NRSN1: variants seen among roughly 807,000 people sequenced by gnomAD.
NRSN1 encodes the protein neurensin 1, also known as neurensin-1.
A neutral mutation model predicts 17.3 loss-of-function variants in NRSN1; 14 were observed. The ratio of observed to expected loss-of-function variants is 0.81; its 90% CI spans 0.54 to 1.27. The LOEUF (loss-of-function observed/expected upper bound fraction) is 1.27, where lower values mean the gene tolerates loss of function less well. Among genes scored for constraint, NRSN1 ranks in the 50% most tolerant of loss-of-function variants. NRSN1 has a pLI of 0.00. For missense variants in NRSN1, 209 were observed against 235.9 expected, an observed-to-expected ratio of 0.89 and a Z score of 0.75; for synonymous variants, 79 against 94.2, an observed-to-expected ratio of 0.84 and a Z score of 0.93.
rs371414850 is a variant in NRSN1, at chr6:24,145,872, C to T, written c.514C>T (p.Pro172Ser). 2 of 1,614,186 alleles carry T rather than the reference C, an allele frequency of 1.2e-6. No homozygotes were observed. The highest frequency in any genetic ancestry group is 3.3e-5 in the Admixed American group (2 of 60,018). The stretch of plus-strand genomic sequence containing the variant: ...CCACACCCAGCCGGTTACAAAAGCT[C>T]CAGGGCCAGGGGAAACAAAGATTCC... ...KAHTQPVTKA[P>S]GPGETKIPVT... Residue 172 changes from proline (P) to serine (S), a missense_variant, in exon 4 of 4, where the codon CCA (proline) becomes TCA (serine). Coordinates refer to ENST00000378491, the MANE Select transcript of NRSN1 (RefSeq NM_080723.5). The surrounding 1 kb of genome is among the most constrained non-coding windows in gnomAD (Gnocchi z 4.4).
rs768699183 is a variant in NRSN1 at position 24,134,305 on chromosome 6, T to C, written c.-9-14T>C. ...AGCCTGTGGCATTAATCCATGTGGA[T>C]GTTGTCATTCCAGCTGGGAAGGATG... On this transcript the variant is annotated splice_polypyrimidine_tract_variant and intron_variant, in intron 2 of 3. Coordinates refer to ENST00000378491, the MANE Select transcript of NRSN1 (RefSeq NM_080723.5). 3 of 1,609,960 alleles carry C rather than the reference T, an allele frequency of 1.9e-6. No individual in the cohort carries two copies. The highest frequency in any genetic ancestry group is 2.5e-6 in the Non-Finnish European group (3 of 1,177,340).
intron 3 of NRSN1, among the ~76,000 whole-genome samples, chr6:24,136,480 C>A (rs1760119646): frequency 6.6e-6 from 1 of 151,926 alleles, no homozygotes; most frequent in African/African-American, 2.4e-5. Context: ...CAATGAAATG[C>A]ACAGCCAAGC....
At position 24,145,600 on chromosome 6, in the gene NRSN1, C is replaced by T. The variant is rs749754159; in HGVS notation, c.242C>T (p.Ala81Val). The T allele has an allele frequency of 6.2e-7, 1 of 1,611,884 alleles. No individual in the cohort carries two copies. Among genetic ancestry groups the T allele is most frequent in the South Asian group, 1.1e-5 (1 of 90,592 alleles). ...VFVILGLTVLAVGFLVPPKIE... is the reference protein window; with the variant it reads ...VFVILGLTVLVVGFLVPPKIE... ...GTGATCCTCGGATTGACTGTTCTGG[C>T]AGTGGGCTTTCTTGTGCCCCCCAAA... Residue 81 changes from alanine (A) to valine (V), a missense_variant, in exon 4 of 4, where the codon GCA becomes GTA. By Grantham distance (64) the Ala-to-Val change is moderately conservative. Transcript: ENST00000378491. This position sits in a 1 kb window ranked among gnomAD's most constrained non-coding sequence, Gnocchi z 4.4.
rs1249307852 is a variant in NRSN1, at chr6:24,145,339, G to A, written c.190-209G>A. On this transcript the variant is annotated intron_variant, in intron 3 of 3. Coordinates refer to ENST00000378491, the MANE Select transcript of NRSN1 (RefSeq NM_080723.5). This position sits in a 1 kb window ranked among gnomAD's most constrained non-coding sequence, Gnocchi z 4.4. ...ATATATACATATATCTCAAGGCTGA[G>A]TGCTGGAGTTTTTGGTTGGCATTAA... Among the ~76,000 whole-genome samples, 1 of 148,850 alleles carries A rather than the reference G, an allele frequency of 6.7e-6. No homozygotes were observed. The highest frequency in any genetic ancestry group is 2.5e-5 in the African/African-American group (1 of 40,706).
chr6:24,143,013 C>T (rs181885458), intron 3 of NRSN1, among the ~76,000 whole-genome samples: 93 of 152,202 alleles, frequency 6.1e-4, no homozygotes, highest in African/African-American at 1.9e-3. Context: ...AGACACAGAG[C>T]GCTGATTGGT....
chr6:24,143,554 A>C, intron 3 of NRSN1, among the ~76,000 whole-genome samples: 1 of 152,300 alleles, frequency 6.6e-6, no homozygotes, highest in Non-Finnish European at 1.5e-5. Flanking sequence ...AATATTAAAG[A>C]TTAATTTATG....
chr6:24,134,004 T>TG (rs1760075346), intron 2 of NRSN1, among the ~76,000 whole-genome samples: 1 of 132,858 alleles, frequency 7.5e-6, no homozygotes, highest in Non-Finnish European at 1.6e-5. Context: ...ACCCAGCTAA[T>TG]TGTGTGTGTG....
chr6:24,131,938 G>A (rs909997584), intron 2 of NRSN1, among the ~76,000 whole-genome samples: 8 of 152,062 alleles, frequency 5.3e-5, no homozygotes, highest in East Asian at 1.9e-4. Flanking sequence ...AAATGTGTTC[G>A]TGTGTGGGGG....
chr6:24,131,872 A>T (rs1195978349), intron 2 of NRSN1, among the ~76,000 whole-genome samples: 1 of 152,202 alleles, frequency 6.6e-6, no homozygotes, highest in East Asian at 1.9e-4. Context: ...CAGGCAAAGA[A>T]CATTCTAAAA....
At chr6:24,141,405 T>G in intron 3 of NRSN1, 1 of 357,542 alleles carries the variant, frequency 2.8e-6, no homozygotes, top group Non-Finnish European at 4.5e-6. Flanking sequence ...GACTCCTTCG[T>G]ACCTATCATC....
chr6:24,136,843 C>T (rs1410692992), intron 3 of NRSN1, among the ~76,000 whole-genome samples: 1 of 152,102 alleles, frequency 6.6e-6, no homozygotes. Flanking sequence ...AGCCACAAAA[C>T]ACAAGAAGCC....
At position 24,146,264 on chromosome 6, in the gene NRSN1, A is replaced by G. The variant is rs1025339772; in HGVS notation, c.*318A>G. ...TCCGTGTTGTTTGAAAGTGCCGAAC[A>G]GTTTAGACCAGCTCACCAATGGCTA... is the stretch of plus-strand genomic sequence containing the variant. On this transcript the variant is annotated 3_prime_UTR_variant, in exon 4 of 4. Transcript: ENST00000378491. 7 of 581,112 alleles carry G rather than the reference A, an allele frequency of 1.2e-5. No homozygotes were observed. Among genetic ancestry groups the G allele is most frequent in the Admixed American group, 6.6e-5 (3 of 45,756 alleles). The allele number at this position is 581,112 out of a possible 1,614,324, so 36.0% of individuals were successfully genotyped here. A position where few individuals can be genotyped will look rare whatever the true frequency, so the allele number is the denominator to read the frequency against.
chr6:24,136,641 C>T (rs548785307), intron 3 of NRSN1, among the ~76,000 whole-genome samples: 1 of 152,142 alleles, frequency 6.6e-6, no homozygotes, highest in Admixed American at 6.5e-5. Context: ...AACTTCAAAG[C>T]ACTGGTTGTT....
At chr6:24,132,389 C>A (rs1016956096) in intron 2 of NRSN1, among the ~76,000 whole-genome samples, 1 of 152,178 alleles carries the variant, frequency 6.6e-6, no homozygotes, top group Non-Finnish European at 1.5e-5. Flanking sequence ...TAGCTGGTTG[C>A]TTGATAAGTA....
chr6:24,147,389 T>C lies in NRSN1; in HGVS notation c.*1443T>C, dbSNP rs1013492478. ...TTCTTCCTTCACTGGATAAATAAAA[T>C]ATGTGAACAAGTGGAACCTGAATTG... is the stretch of plus-strand genomic sequence containing the variant. On this transcript the variant is annotated 3_prime_UTR_variant, in exon 4 of 4. Coordinates refer to ENST00000378491, the MANE Select transcript of NRSN1 (RefSeq NM_080723.5). 1 of 147,042 alleles carries C rather than the reference T, an allele frequency of 6.8e-6. No homozygotes were observed. The highest frequency in any genetic ancestry group is 6.9e-5 in the Admixed American group (1 of 14,406). The allele number at this position is 147,042 out of a possible 1,614,324, so 9.1% of individuals were successfully genotyped here.
chr6:24,132,485 A>G (rs1396615364), intron 2 of NRSN1, among the ~76,000 whole-genome samples: 1 of 152,210 alleles, frequency 6.6e-6, no homozygotes, highest in Non-Finnish European at 1.5e-5. Flanking sequence ...ATAACCTTCT[A>G]TGTTGTTCCC....
At position 24,145,005 on chromosome 6, in the gene NRSN1, A is replaced by G. The variant is rs956198192; in HGVS notation, c.190-543A>G. 2.8e-4 allele frequency among the ~76,000 whole-genome samples: 41 copies of G among 146,816 alleles called. No homozygotes were observed. Among genetic ancestry groups the G allele is most frequent in the Non-Finnish European group, 5.4e-4 (36 of 67,104 alleles). ...AAAAAAAAAAGATATTTATATATAT[A>G]TTTACATATTACATATCTACTTTTA... On this transcript the variant is annotated intron_variant, in intron 3 of 3. Coordinates refer to ENST00000378491, the MANE Select transcript of NRSN1 (RefSeq NM_080723.5). This position sits in a 1 kb window ranked among gnomAD's most constrained non-coding sequence, Gnocchi z 4.4.
In NRSN1 at chr6:24,134,420, C is replaced by T; in HGVS notation, c.93C>T (p.His31=). The T allele has an allele frequency of 5.6e-6, 9 of 1,614,028 alleles. No individual in the cohort carries two copies. The highest frequency in any genetic ancestry group is 7.6e-6 in the Non-Finnish European group (9 of 1,179,956). ...GCTATGGAGTCCGGTCCTACCTGCA[C>T]CAGTTTTATGAGGACTGTACAGCCT... ...YQRYGVRSYL[H]QFYEDCTASI... Residue 31 remains histidine, a synonymous_variant, in exon 3 of 4, where the codon CAC becomes CAT. Transcript: ENST00000378491.
intron 3 of NRSN1, among the ~76,000 whole-genome samples, chr6:24,139,419 A>G (rs950509323): frequency 6.6e-6 from 1 of 152,366 alleles, no homozygotes; most frequent in Middle Eastern, 3.4e-3. Flanking sequence ...CGAGACAGAA[A>G]AGATTCAAGA....
Sources: gnomAD v4.1 joint callset for allele counts (sites outside exome capture counted in the v4.1 genomes callset) on GRCh38, gnomAD v4.1.1 for gene constraint, Gnocchi (gnomAD v3.1) non-coding constraint, MANE v1.5 for transcripts, NCBI Gene and HGNC (gene_info 2026-07-23, HGNC 2026-07-21) for gene names.